EDA: variants seen among roughly 807,000 people sequenced by gnomAD.
EDA encodes ectodysplasin-A.
A neutral mutation model predicts 23.6 loss-of-function variants in EDA; 2 were observed. That is an observed-to-expected ratio of 0.08 (90% CI 0.03 to 0.27). EDA has a LOEUF of 0.27. Ranked by LOEUF, EDA falls within the 10% of genes least tolerant of loss-of-function variation. The pLI, the probability that EDA is intolerant of heterozygous loss-of-function variation, is 1.00. For missense variants in EDA, 229 were observed against 324.2 expected, an observed-to-expected ratio of 0.71 and a Z score of 2.26; for synonymous variants, 131 against 132.0, an observed-to-expected ratio of 0.99 and a Z score of 0.05.
At chrX:69,720,999 A>G (rs1468708078) in intron 1 of EDA, among the ~76,000 whole-genome samples, 1 of 111,944 alleles carries the variant, frequency 8.9e-6, no homozygotes, top group Non-Finnish European at 1.9e-5. Context: ...TTATTTTAGC[A>G]GTCACCTTGT....
chrX:69,673,267 A>G (rs1933964773), intron 1 of EDA, among the ~76,000 whole-genome samples: 1 of 111,973 alleles, frequency 8.9e-6, no homozygotes, highest in Non-Finnish European at 1.9e-5. Flanking sequence ...AAGAAGGGTC[A>G]GTAAACTAGA....
intron 1 of EDA, among the ~76,000 whole-genome samples, chrX:69,627,312 C>T (rs1261189236): frequency 9.0e-6 from 1 of 111,411 alleles, no homozygotes; most frequent in Non-Finnish European, 1.9e-5. Context: ...CCCTGCCTCT[C>T]TCTCTGCTTC....
chrX:69,673,747 A>G (rs1242681578), intron 1 of EDA, among the ~76,000 whole-genome samples: 1 of 111,507 alleles, frequency 9.0e-6, no homozygotes, highest in Non-Finnish European at 1.9e-5. Context: ...CCTTAGGTGG[A>G]GGATGGGGTC....
intron 2 of EDA, among the ~76,000 whole-genome samples, chrX:69,972,603 G>T (rs1033432918): frequency 8.9e-6 from 1 of 111,862 alleles, no homozygotes; most frequent in Non-Finnish European, 1.9e-5. Flanking sequence ...AAGGACCTGG[G>T]TTCAAGTTGT....
chrX:69,809,070 G>A (rs2015880747), intron 1 of EDA, among the ~76,000 whole-genome samples: 1 of 111,629 alleles, frequency 9.0e-6, no homozygotes, highest in Admixed American at 9.5e-5. Flanking sequence ...GATGGTGGTG[G>A]TGGGGAGGTC....
chrX:69,750,774 T>C (rs2147388927), intron 1 of EDA, among the ~76,000 whole-genome samples: 1 of 112,240 alleles, frequency 8.9e-6, no homozygotes, highest in African/African-American at 3.2e-5. Flanking sequence ...TAATGGCCAG[T>C]GATGATGAGC....
chrX:69,886,105 A>G (rs1450048111), intron 1 of EDA, among the ~76,000 whole-genome samples: 1 of 112,013 alleles, frequency 8.9e-6, no homozygotes, highest in Non-Finnish European at 1.9e-5. Context: ...TTGGTCTGAG[A>G]GCAATCCTTC....
intron 2 of EDA, among the ~76,000 whole-genome samples, chrX:70,007,718 C>G (rs1033679187): frequency 2.7e-5 from 3 of 111,411 alleles, no homozygotes; most frequent in African/African-American, 9.8e-5. Context: ...TTGAGTCTTC[C>G]TATCCACGAA....
intron 1 of EDA, among the ~76,000 whole-genome samples, chrX:69,762,624 G>A (rs1320927148): frequency 9.0e-6 from 1 of 111,105 alleles, no homozygotes; most frequent in African/African-American, 3.3e-5. Flanking sequence ...TAGAAGCAGT[G>A]TTTTTTTTAC....
intron 1 of EDA, among the ~76,000 whole-genome samples, chrX:69,710,530 A>G (rs1269933721): frequency 1.8e-5 from 2 of 111,273 alleles, no homozygotes; most frequent in Non-Finnish European, 1.9e-5. Flanking sequence ...CTGTGAAGAG[A>G]GTCATTGGTA....
At chrX:69,828,362 C>T (rs978978699) in intron 1 of EDA, among the ~76,000 whole-genome samples, 13 of 112,365 alleles carry the variant, frequency 1.2e-4, no homozygotes, top group African/African-American at 2.9e-4. Context: ...ACTCCGTGGG[C>T]GTAGGACCCT....
chrX:69,908,830 T>C (rs1438204218), intron 1 of EDA, among the ~76,000 whole-genome samples: 1 of 109,705 alleles, frequency 9.1e-6, no homozygotes, highest in Non-Finnish European at 1.9e-5. Context: ...TTCTAACATT[T>C]TTTTCTGTTT....
At chrX:69,945,603 G>A (rs189580055) in intron 1 of EDA, among the ~76,000 whole-genome samples, 78 of 111,973 alleles carry the variant, frequency 7.0e-4, no homozygotes, top group African/African-American at 2.4e-3. Context: ...CAATGGATAT[G>A]TATAAAATTG....
chrX:69,882,175 G>A (rs1437649410), intron 1 of EDA, among the ~76,000 whole-genome samples: 1 of 111,520 alleles, frequency 9.0e-6, no homozygotes, highest in African/African-American at 3.3e-5. Context: ...ATACCATTAG[G>A]AGTTCTCTTA....
Position 70,038,530 on chromosome X carries a change from T to A in EDA, c.*2921T>A, listed in dbSNP as rs1316211320. 1.8e-5 allele frequency: 2 copies of A among 109,575 alleles called. No individual in the cohort carries two copies. The highest frequency in any genetic ancestry group is 6.7e-5 in the African/African-American group (2 of 29,954). 9.0% of individuals were successfully genotyped at this position (109,575 alleles called of 1,213,427 possible). ...TTGAAGGAGAATGGCATGGCAGGAG[T>A]CTCTGCCAGTTACTTGGGCTTCAAC... On this transcript the variant is annotated 3_prime_UTR_variant, in exon 8 of 8. Coordinates refer to ENST00000374552, the MANE Select transcript of EDA (RefSeq NM_001399.5).
intron 1 of EDA, among the ~76,000 whole-genome samples, chrX:69,645,499 A>G (rs937715593): frequency 1.0e-5 from 1 of 97,624 alleles, no homozygotes; most frequent in Admixed American, 1.2e-4. Context: ...TCATGTCTCT[A>G]TCTCCTTCAC....
intron 1 of EDA, among the ~76,000 whole-genome samples, chrX:69,856,764 C>T (rs2017264623): frequency 1.8e-5 from 2 of 109,025 alleles, no homozygotes; most frequent in African/African-American, 3.4e-5. Context: ...AGCTTCTGGA[C>T]GTTAGTCCTT....
intron 1 of EDA, among the ~76,000 whole-genome samples, chrX:69,673,168 A>G (rs1253977350): frequency 9.0e-6 from 1 of 111,347 alleles, no homozygotes; most frequent in Non-Finnish European, 1.9e-5. Flanking sequence ...GGTTTTGGCA[A>G]GAGTGTAACA....
intron 1 of EDA, among the ~76,000 whole-genome samples, chrX:69,864,983 C>T (rs2017461805): frequency 9.1e-6 from 1 of 110,366 alleles, no homozygotes; most frequent in Non-Finnish European, 1.9e-5. Flanking sequence ...AGCGAGACTC[C>T]ATCTTGAAAT....
Sources: allele counts gnomAD v4.1 joint callset (sites outside exome capture counted in the v4.1 genomes callset), GRCh38; gene constraint gnomAD v4.1.1; transcripts MANE v1.5; gene names NCBI Gene and HGNC (gene_info 2026-07-23, HGNC 2026-07-21).